The following TRAPPC12 variants were observed in gnomAD, a reference collection of about 807,000 sequenced individuals.
The protein encoded by TRAPPC12 is TPR repeat protein 15.
Under a neutral mutation model 69.2 loss-of-function variants are expected in TRAPPC12, and 61 were observed. That is an observed-to-expected ratio of 0.88 (90% confidence interval 0.72 to 1.09). TRAPPC12 has a LOEUF of 1.09. TRAPPC12 is among the 50% of genes least tolerant of loss of function. The pLI is 0.00. For missense variants in TRAPPC12, 1,101 were observed against 1,016.4 expected (o/e 1.08, Z -1.13); for synonymous variants, 469 against 438.9 (o/e 1.07, Z -0.86).
chr2:3,431,758 C>A (rs1009617915), intron 5 of TRAPPC12, among the ~76,000 whole-genome samples: 1 of 152,192 alleles, frequency 6.6e-6, no homozygotes, highest in South Asian at 2.1e-4. Context: ...ACATTTGTTA[C>A]AATTGATGAA....
At position 3,457,090 on chromosome 2, in the gene TRAPPC12, C is replaced by T. The variant is rs115762949; in HGVS notation, c.1531-531C>T. 1,757 of 464,096 alleles carry T rather than the reference C, an allele frequency of 3.8e-3. 5 individuals are homozygous for T. Among genetic ancestry groups the T allele is most frequent in the Non-Finnish European group, 5.3e-3 (1,204 of 226,840 alleles). 28.7% of individuals were successfully genotyped at this position (464,096 alleles called of 1,614,324 possible). ...CGAACGGGATAAGGAAAAGATGGTG[C>T]ACATACACTGTGGAATACTACGCAG... On this transcript the variant is annotated intron_variant, in intron 6 of 11. Transcript: ENST00000324266.
chr2:3,453,348 T>C (rs545186113), intron 6 of TRAPPC12, among the ~76,000 whole-genome samples: 2 of 152,336 alleles, frequency 1.3e-5, no homozygotes, highest in East Asian at 3.9e-4. Flanking sequence ...TCCCAGGGAA[T>C]GTGCAGGAAG....
intron 8 of TRAPPC12, among the ~76,000 whole-genome samples, chr2:3,464,330 C>G (rs1329817799): frequency 1.3e-5 from 2 of 152,208 alleles, no homozygotes; most frequent in Admixed American, 6.5e-5. Context: ...TTTTAATGAG[C>G]TGTACTCGAA....
At chr2:3,389,794 C>CAA (rs71396985) in intron 2 of TRAPPC12, 218,300 of 470,378 alleles carry the variant, frequency 0.46, 52,072 homozygotes, top group East Asian at 0.69. Flanking sequence ...GGAGGGCGGA[C>CAA]GAGTTTTATT....
chr2:3,471,688 G>A lies in TRAPPC12; in HGVS notation c.1776+5993G>A, dbSNP rs115435067. On this transcript the variant is annotated intron_variant, in intron 9 of 11. Coordinates refer to ENST00000324266, the MANE Select transcript of TRAPPC12 (RefSeq NM_016030.6). ...AAATTAAGGAGGGGCAGAAGCAACT[G>A]ATCTTCAAACAGAAGAAGCATTATA... 5.3e-3 allele frequency among the ~76,000 whole-genome samples: 800 copies of A among 152,320 alleles called. 10 individuals carry two copies. The highest frequency in any genetic ancestry group is 0.018 in the African/African-American group (768 of 41,568).
chr2:3,447,735 C>T (rs1320874818), intron 6 of TRAPPC12, among the ~76,000 whole-genome samples: 3 of 152,262 alleles, frequency 2.0e-5, no homozygotes, highest in Admixed American at 6.5e-5. Flanking sequence ...ACTATTCTGC[C>T]GGTGTTGATT....
chr2:3,393,358 C>T (rs1660934637), intron 2 of TRAPPC12, among the ~76,000 whole-genome samples: 1 of 152,058 alleles, frequency 6.6e-6, no homozygotes, highest in Non-Finnish European at 1.5e-5. Context: ...GGAGATGTTA[C>T]TCAAAGGGTA....
At chr2:3,424,791 A>C (rs1663002012) in intron 5 of TRAPPC12, 128 bp downstream of exon 5, 1 of 1,049,036 alleles carries the variant, frequency 9.5e-7, no homozygotes, top group Admixed American at 2.7e-5. Flanking sequence ...ATAAGTACCC[A>C]GCAACAAGCC....
intron 6 of TRAPPC12, chr2:3,455,201 C>G (rs1665079418): frequency 6.6e-6 from 1 of 152,236 alleles, no homozygotes; most frequent in African/African-American, 2.4e-5. Context: ...CTACACTAGC[C>G]TAAGGGAAGT....
intron 4 of TRAPPC12, among the ~76,000 whole-genome samples, chr2:3,424,073 G>A (rs957717050): frequency 5.9e-5 from 9 of 152,036 alleles, no homozygotes; most frequent in African/African-American, 2.2e-4. Flanking sequence ...TCATTCCCCC[G>A]CCCTCCACTA....
At chr2:3,440,501 G>A (rs1225284143) in intron 5 of TRAPPC12, among the ~76,000 whole-genome samples, 1 of 151,994 alleles carries the variant, frequency 6.6e-6, no homozygotes, top group Non-Finnish European at 1.5e-5. Context: ...CTAGTATCTA[G>A]GAAGCCAGTT....
intron 2 of TRAPPC12, among the ~76,000 whole-genome samples, chr2:3,392,611 C>T (rs181517589): frequency 1.3e-5 from 2 of 152,316 alleles, no homozygotes; most frequent in Admixed American, 6.5e-5. Context: ...CTAGAAACAG[C>T]ACTAATTATC....
intron 5 of TRAPPC12, among the ~76,000 whole-genome samples, chr2:3,440,486 T>C (rs1267902820): frequency 6.6e-6 from 1 of 152,220 alleles, no homozygotes; most frequent in African/African-American, 2.4e-5. Flanking sequence ...TCCCATCATT[T>C]ATTGCTAGTA....
At chr2:3,438,298 A>ATC (rs1463307715) in intron 5 of TRAPPC12, among the ~76,000 whole-genome samples, 1 of 36,098 alleles carries the variant, frequency 2.8e-5, no homozygotes, top group Non-Finnish European at 5.3e-5. Context: ...CCCTGGATTA[A>ATC]CCCCCATCAC....
intron 11 of TRAPPC12, 93 bp downstream of exon 11, chr2:3,479,026 C>T: frequency 1.3e-6 from 2 of 1,486,380 alleles, no homozygotes; most frequent in Admixed American, 1.9e-5. Context: ...GGCCTGCGCT[C>T]TCTCTCTCCA....
chr2:3,455,695 A>G (rs188595305), intron 6 of TRAPPC12: 1 of 152,252 alleles, frequency 6.6e-6, no homozygotes, highest in Admixed American at 6.5e-5. Context: ...ATTCTTTTTT[A>G]TGGCCGAAGA....
intron 7 of TRAPPC12, 36 bp downstream of exon 7, chr2:3,457,729 C>T (rs553840024): frequency 8.7e-6 from 14 of 1,605,092 alleles, no homozygotes; most frequent in East Asian, 4.5e-5. Context: ...AGATGCTTCT[C>T]GGACATCACT....
intron 1 of TRAPPC12, among the ~76,000 whole-genome samples, chr2:3,381,140 T>G (rs1001084810): frequency 2.6e-5 from 4 of 152,172 alleles, no homozygotes; most frequent in Admixed American, 2.6e-4. Context: ...ATGATGGAGG[T>G]AATAATAATG....
At chr2:3,474,680 C>T (rs899346757) in intron 9 of TRAPPC12, among the ~76,000 whole-genome samples, 5 of 152,148 alleles carry the variant, frequency 3.3e-5, no homozygotes, top group African/African-American at 2.4e-5. Context: ...GCACAGGTGA[C>T]ATCTCAAAAG....
Sources: allele counts gnomAD v4.1 joint callset (sites outside exome capture counted in the v4.1 genomes callset), GRCh38; gene constraint gnomAD v4.1.1; transcripts MANE v1.5; gene names NCBI Gene and HGNC (gene_info 2026-07-23, HGNC 2026-07-21).